Variants in PTPRM observed in about 807,000 individuals in gnomAD.
PTPRM encodes protein tyrosine phosphatase receptor type M.
A neutral mutation model predicts 186.7 loss-of-function variants in PTPRM; 47 were observed. The ratio of observed to expected loss-of-function variants is 0.25; its 90% CI spans 0.20 to 0.32. The LOEUF (loss-of-function observed/expected upper bound fraction) is 0.32. PTPRM is among the 10% of genes least tolerant of loss of function. PTPRM has a pLI of 1.00. For synonymous variants in PTPRM, 668 were observed against 674.9 expected (o/e 0.99, Z 0.16); for missense variants, 1,494 against 1,865.0 (o/e 0.80, Z 3.66).
intron 1 of PTPRM, among the ~76,000 whole-genome samples, chr18:7,714,940 A>C (rs2040293231): frequency 6.7e-6 from 1 of 150,374 alleles, no homozygotes; most frequent in African/African-American, 2.4e-5. Flanking sequence ...CGAGAGGTAC[A>C]AAGACCATTC....
intron 19 of PTPRM, among the ~76,000 whole-genome samples, chr18:8,274,272 G>A (rs7505323): frequency 4.6e-5 from 7 of 152,058 alleles, no homozygotes; most frequent in East Asian, 1.9e-4. Flanking sequence ...CCTCAGATAC[G>A]CTGCAGAACG....
At chr18:8,360,728 G>A (rs2095592359) in intron 23 of PTPRM, 3 of 152,204 alleles carry the variant, frequency 2.0e-5, no homozygotes, top group Admixed American at 2.0e-4. Context: ...AAGAAGCTGG[G>A]AGTAGATGTT....
chr18:8,172,864 C>G (rs111576802), intron 14 of PTPRM, among the ~76,000 whole-genome samples: 1 of 152,180 alleles, frequency 6.6e-6, no homozygotes, highest in Admixed American at 6.5e-5. Flanking sequence ...GATGAACTAA[C>G]TCACCTGGCA....
intron 29 of PTPRM, 65 bp downstream of exon 29, chr18:8,380,492 T>A: frequency 6.3e-7 from 1 of 1,591,478 alleles, no homozygotes; most frequent in African/African-American, 1.3e-5. Context: ...TTACACTGAG[T>A]TTGTTTGCAC....
intron 1 of PTPRM, among the ~76,000 whole-genome samples, chr18:7,727,388 G>A (rs1311232084): frequency 6.6e-6 from 1 of 152,086 alleles, no homozygotes; most frequent in Non-Finnish European, 1.5e-5. Context: ...TTTCTTCATT[G>A]AATTATTTTG....
At chr18:7,931,858 T>C (rs758125930) in intron 5 of PTPRM, among the ~76,000 whole-genome samples, 1 of 152,188 alleles carries the variant, frequency 6.6e-6, no homozygotes, top group Non-Finnish European at 1.5e-5. Flanking sequence ...CTCAGGACTT[T>C]CTATTTATAA....
At chr18:8,087,563 C>T (rs2090494080) in intron 10 of PTPRM, among the ~76,000 whole-genome samples, 1 of 152,044 alleles carries the variant, frequency 6.6e-6, no homozygotes, top group African/African-American at 2.4e-5. Flanking sequence ...TATGGCTCAT[C>T]AAGAATAAGT....
intron 23 of PTPRM, among the ~76,000 whole-genome samples, chr18:8,361,814 C>T (rs1487832161): frequency 1.3e-5 from 2 of 152,214 alleles, no homozygotes; most frequent in East Asian, 3.8e-4. Flanking sequence ...GCCTGCCAGG[C>T]TTCTTTCTGT....
chr18:8,336,792 C>T (rs2095442353), intron 22 of PTPRM, among the ~76,000 whole-genome samples: 2 of 151,742 alleles, frequency 1.3e-5, no homozygotes, highest in Admixed American at 1.3e-4. Flanking sequence ...TTGGTGAAAC[C>T]CCATCTCTGC....
chr18:7,906,465 C>T, intron 3 of PTPRM, 40 bp from the exon 4 acceptor site: 1 of 1,500,698 alleles, frequency 6.7e-7, no homozygotes, highest in Non-Finnish European at 9.3e-7. Context: ...AAAAGTAAGA[C>T]AAAATGAATA....
chr18:8,361,525 A>G (rs907980824), intron 23 of PTPRM, among the ~76,000 whole-genome samples: 6 of 152,226 alleles, frequency 3.9e-5, no homozygotes, highest in African/African-American at 1.4e-4. Context: ...AACTTAAAAG[A>G]CATTAATAAA....
At chr18:8,282,593 T>C (rs2094915794) in intron 19 of PTPRM, among the ~76,000 whole-genome samples, 1 of 151,970 alleles carries the variant, frequency 6.6e-6, no homozygotes, top group Non-Finnish European at 1.5e-5. Context: ...ACCCTAGAGG[T>C]GGAGGTTGCA....
chr18:8,019,813 ATATT>A (rs1335506295), intron 7 of PTPRM, among the ~76,000 whole-genome samples: 5 of 147,738 alleles, frequency 3.4e-5, no homozygotes, highest in Admixed American at 2.0e-4. Flanking sequence ...AATATAAATA[ATATT>A]TATTTATAAT....
chr18:8,258,137 C>T (rs2094592153), intron 19 of PTPRM, among the ~76,000 whole-genome samples: 1 of 152,124 alleles, frequency 6.6e-6, no homozygotes, highest in South Asian at 2.1e-4. Context: ...GAGAGTGGTG[C>T]AGGGACCTCT....
rs560029224 is a variant in PTPRM, at chr18:8,031,624, T to C, written c.1133-38062T>C. On this transcript the variant is annotated intron_variant, in intron 7 of 32. Transcript: ENST00000580170. ...TAAAATGAAGGCACGTTTGCAGCAC[T>C]ATAGAGTCTGACAGGAGAAAACAGT... is the stretch of plus-strand genomic sequence containing the variant. Among the ~76,000 whole-genome samples, 4 of 152,276 alleles carry C rather than the reference T, an allele frequency of 2.6e-5. No homozygotes were observed. The South Asian group carries it at 6.2e-4, about 24-fold the overall frequency.
chr18:8,299,561 G>A (rs1180389997), intron 20 of PTPRM, among the ~76,000 whole-genome samples: 1 of 150,338 alleles, frequency 6.7e-6, no homozygotes, highest in Non-Finnish European at 1.5e-5. Context: ...CTCCAGCCTG[G>A]GCAACAGAGC....
At chr18:7,723,892 T>A (rs1425399361) in intron 1 of PTPRM, among the ~76,000 whole-genome samples, 1 of 152,210 alleles carries the variant, frequency 6.6e-6, no homozygotes. Context: ...TTTTCCTTGT[T>A]ACAAGTTCTG....
At chr18:8,042,255 A>C (rs1424246781) in intron 7 of PTPRM, among the ~76,000 whole-genome samples, 2 of 152,224 alleles carry the variant, frequency 1.3e-5, no homozygotes, top group African/African-American at 4.8e-5. Context: ...GTATGTACCA[A>C]ATATAAAAAT....
intron 13 of PTPRM, among the ~76,000 whole-genome samples, chr18:8,117,709 T>A (rs2092010105): frequency 1.3e-5 from 2 of 152,144 alleles, no homozygotes. Flanking sequence ...TAGGTACAAG[T>A]TAACTATAGG....
Sources: allele counts gnomAD v4.1 joint callset (sites outside exome capture counted in the v4.1 genomes callset), GRCh38; gene constraint gnomAD v4.1.1; transcripts MANE v1.5; gene names NCBI Gene and HGNC (gene_info 2026-07-23, HGNC 2026-07-21).